The following FHIT variants were observed in gnomAD, a reference collection of about 807,000 sequenced individuals.
The protein encoded by FHIT is fragile histidine triad diadenosine triphosphatase, also known as bis(5'-adenosyl)-triphosphatase.
A neutral mutation model predicts 17.9 loss-of-function variants in FHIT; 19 were observed. The ratio of observed to expected loss-of-function variants is 1.06; its 90% CI spans 0.74 to 1.56. The LOEUF (loss-of-function observed/expected upper bound fraction) is 1.56, where lower values mean the gene tolerates loss of function less well. Ranked by LOEUF, FHIT falls within the 40% of genes most tolerant of loss-of-function variation. The pLI is 0.00. For missense variants in FHIT, 248 were observed against 189.2 expected, an observed-to-expected ratio of 1.31 and a Z score of -1.82; for synonymous variants, 81 against 69.7, an observed-to-expected ratio of 1.16 and a Z score of -0.81.
At chr3:59,913,042 GT>G (rs1704958234) in intron 8 of FHIT, among the ~76,000 whole-genome samples, 1 of 152,188 alleles carries the variant, frequency 6.6e-6, no homozygotes, top group South Asian at 2.1e-4. Flanking sequence ...ATAAAAAGGA[GT>G]TATAATAAAG....
chr3:60,562,835 T>C (rs1475511023), intron 4 of FHIT, among the ~76,000 whole-genome samples: 3 of 152,176 alleles, frequency 2.0e-5, no homozygotes, highest in Non-Finnish European at 4.4e-5. Flanking sequence ...AGTCATTCCT[T>C]TGTTTATTTT....
intron 8 of FHIT, among the ~76,000 whole-genome samples, chr3:59,756,925 A>G (rs767548458): frequency 6.6e-6 from 1 of 152,220 alleles, no homozygotes; most frequent in Non-Finnish European, 1.5e-5. Context: ...AACATGTCCT[A>G]TAACCAAAAG....
At chr3:60,615,367 C>G (rs775060333) in intron 4 of FHIT, among the ~76,000 whole-genome samples, 1 of 152,144 alleles carries the variant, frequency 6.6e-6, no homozygotes, top group East Asian at 1.9e-4. Flanking sequence ...ATGTAGGAAA[C>G]GTGATTCCGT....
At chr3:60,961,822 G>A (rs1575759507) in intron 3 of FHIT, among the ~76,000 whole-genome samples, 3 of 152,156 alleles carry the variant, frequency 2.0e-5, no homozygotes, top group East Asian at 1.9e-4. Flanking sequence ...TGCTGTTTTG[G>A]TTACTGTAGC....
At chr3:60,445,367 C>T (rs2687156) in intron 5 of FHIT, among the ~76,000 whole-genome samples, 145,967 of 152,156 alleles carry the variant, frequency 0.96, 70,294 homozygotes, top group East Asian at 1. Context: ...TCTTGGATTA[C>T]AGTGGTCTGT....
At chr3:59,761,994 T>C (rs1575614021) in intron 8 of FHIT, among the ~76,000 whole-genome samples, 1 of 152,188 alleles carries the variant, frequency 6.6e-6, no homozygotes, top group African/African-American at 2.4e-5. Flanking sequence ...CATATCTGAA[T>C]TGCCAGCATC....
chr3:60,029,899 G>GTGTGTGTGTGTGTC (rs1553655744), intron 5 of FHIT, among the ~76,000 whole-genome samples: 379 of 123,268 alleles, frequency 3.1e-3, no homozygotes, highest in Non-Finnish European at 5.3e-3. Context: ...GTGTGTGTCT[G>GTGTGTGTGTGTGTC]TGTGTGTGTG....
chr3:60,773,256 G>A (rs748495640), intron 4 of FHIT, among the ~76,000 whole-genome samples: 166 of 152,252 alleles, frequency 1.1e-3, no homozygotes, highest in Non-Finnish European at 9.3e-4. Context: ...AAGACACATC[G>A]AAACAGTTAA....
chr3:61,189,055 T>C (rs1017573582), intron 2 of FHIT, among the ~76,000 whole-genome samples: 3 of 152,050 alleles, frequency 2.0e-5, no homozygotes, highest in Non-Finnish European at 4.4e-5. Context: ...CCACTCCTAT[T>C]CAACACAGTG....
At chr3:60,896,318 C>T (rs962743640) in intron 3 of FHIT, among the ~76,000 whole-genome samples, 2 of 152,092 alleles carry the variant, frequency 1.3e-5, no homozygotes, top group African/African-American at 4.8e-5. Flanking sequence ...GTGTTCACTG[C>T]TGCTAGGAGT....
At chr3:60,528,662 C>T (rs2035662040) in intron 5 of FHIT, among the ~76,000 whole-genome samples, 1 of 152,176 alleles carries the variant, frequency 6.6e-6, no homozygotes, top group Admixed American at 6.5e-5. Flanking sequence ...TATAAAGGAG[C>T]TTCTTCCATC....
chr3:60,470,256 G>A (rs1277075050), intron 5 of FHIT, among the ~76,000 whole-genome samples: 1 of 152,094 alleles, frequency 6.6e-6, no homozygotes, highest in Non-Finnish European at 1.5e-5. Flanking sequence ...TCTGCAATAA[G>A]TATATGGGAA....
chr3:60,527,584 G>C (rs1190269050), intron 5 of FHIT, among the ~76,000 whole-genome samples: 1 of 152,172 alleles, frequency 6.6e-6, no homozygotes, highest in Non-Finnish European at 1.5e-5. Flanking sequence ...GATGGCAGTG[G>C]AGAGTAAGGC....
chr3:60,287,145 TAAGTTTATTATG>T (rs1707764377), intron 5 of FHIT, among the ~76,000 whole-genome samples: 1 of 152,184 alleles, frequency 6.6e-6, no homozygotes, highest in African/African-American at 2.4e-5. Flanking sequence ...ACCTATCTGT[TAAGTTTATTATG>T]AAGACAAAGT....
intron 8 of FHIT, among the ~76,000 whole-genome samples, chr3:59,765,395 C>A (rs143898486): frequency 6.6e-6 from 1 of 152,314 alleles, no homozygotes; most frequent in East Asian, 1.9e-4. Flanking sequence ...ACATTTGTAT[C>A]CCTTTGGCCA....
intron 5 of FHIT, among the ~76,000 whole-genome samples, chr3:60,514,714 G>A (rs1443305201): frequency 1.6e-4 from 25 of 152,150 alleles, no homozygotes. Context: ...ATCCTCCAGT[G>A]TTTATCATAA....
intron 4 of FHIT, among the ~76,000 whole-genome samples, chr3:60,543,775 C>T (rs906881651): frequency 6.6e-6 from 1 of 152,030 alleles, no homozygotes; most frequent in Non-Finnish European, 1.5e-5. Context: ...GACAGAGTTT[C>T]GCTCTGTCAC....
At chr3:60,124,453 T>C (rs1705448143) in intron 5 of FHIT, among the ~76,000 whole-genome samples, 1 of 152,168 alleles carries the variant, frequency 6.6e-6, no homozygotes, top group South Asian at 2.1e-4. Flanking sequence ...TGGATACCTA[T>C]TCTTATAACA....
chr3:59,976,323 G>A (rs577408194), intron 7 of FHIT, among the ~76,000 whole-genome samples: 7 of 151,978 alleles, frequency 4.6e-5, no homozygotes, highest in South Asian at 2.1e-4. Context: ...AAAAATACCC[G>A]CTAAAGGAAG....
Sources: gnomAD v4.1 joint callset for allele counts (sites outside exome capture counted in the v4.1 genomes callset) on GRCh38, gnomAD v4.1.1 for gene constraint, MANE v1.5 for transcripts, NCBI Gene and HGNC (gene_info 2026-07-23, HGNC 2026-07-21) for gene names.